IFT122: variants seen among roughly 807,000 people sequenced by gnomAD.
The protein encoded by IFT122 is intraflagellar transport protein 122 homolog.
In IFT122, 118 loss-of-function variants were observed where a neutral mutation model predicts 161.6. The ratio of observed to expected loss-of-function variants is 0.73; its 90% confidence interval spans 0.63 to 0.85. IFT122 has a LOEUF of 0.85. IFT122 is among the 40% of genes least tolerant of loss of function. The pLI, the probability that IFT122 is intolerant of heterozygous loss-of-function variation, is 0.00. For missense variants in IFT122, 1,381 were observed against 1,579.6 expected, an observed-to-expected ratio of 0.87 and a Z score of 2.13; for synonymous variants, 550 against 602.4, an observed-to-expected ratio of 0.91 and a Z score of 1.27.
chr3:129,473,246 A>C (rs77393836), intron 9 of IFT122, among the ~76,000 whole-genome samples: 1,644 of 152,242 alleles, frequency 0.011, 35 homozygotes, highest in African/African-American at 0.037. Context: ...GCTGCAGTGA[A>C]CTCTTACCAC....
At chr3:129,510,435 T>G (rs145855324) in intron 23 of IFT122, among the ~76,000 whole-genome samples, 1 of 152,310 alleles carries the variant, frequency 6.6e-6, no homozygotes, top group African/African-American at 2.4e-5. Context: ...CATCTTCCCT[T>G]ACAGTCTTTG....
chr3:129,507,645 C>T (rs2082322047), intron 22 of IFT122, 23 bp from the exon 23 acceptor site: 1 of 1,603,704 alleles, frequency 6.2e-7, no homozygotes, highest in African/African-American at 1.3e-5. Context: ...CACGTTTCCC[C>T]TCCCACCCGC....
At position 129,519,726 on chromosome 3, in the gene IFT122, C is replaced by T. The variant is rs1365752928; in HGVS notation, c.3630C>T (p.Cys1210=). The part of the protein sequence containing the change: ...PDASITMCPS[C]FQMFHSEDYE... ...CCTCCATTACCATGTGCCCCTCCTG[C>T]TTCCAGGTAGGTGGCCACCCTGGTA... The change falls in exon 29 of 30, where the codon TGC becomes TGT. Residue 1210 remains cysteine, a synonymous_variant. Coordinates refer to ENST00000348417, the MANE Select transcript of IFT122 (RefSeq NM_052989.3). 1.2e-6 allele frequency: 2 copies of T among 1,613,652 alleles called. No individual in the cohort carries two copies.
At chr3:129,498,381 C>T (rs961549562) in intron 18 of IFT122, among the ~76,000 whole-genome samples, 1 of 152,228 alleles carries the variant, frequency 6.6e-6, no homozygotes, top group Non-Finnish European at 1.5e-5. Flanking sequence ...GGGTTTCCAG[C>T]TTCGTGCTGG....
At chr3:129,491,245 T>A (rs2080047167) in intron 16 of IFT122, among the ~76,000 whole-genome samples, 1 of 152,220 alleles carries the variant, frequency 6.6e-6, no homozygotes, top group African/African-American at 2.4e-5. Flanking sequence ...GAGCAGAGGC[T>A]GCAAGTGGTC....
intron 9 of IFT122, among the ~76,000 whole-genome samples, chr3:129,471,688 A>G (rs2077388246): frequency 6.6e-6 from 1 of 152,236 alleles, no homozygotes; most frequent in South Asian, 2.1e-4. Flanking sequence ...TGTTTGGGAC[A>G]GTAAAATTGT....
At chr3:129,481,839 G>T in intron 14 of IFT122, 145 bp downstream of exon 14, 1 of 831,312 alleles carries the variant, frequency 1.2e-6, no homozygotes, top group South Asian at 1.5e-5. Flanking sequence ...CAGAGTCCCA[G>T]AGGCCCTGGG....
intron 20 of IFT122, among the ~76,000 whole-genome samples, chr3:129,503,516 C>T (rs1475259935): frequency 6.6e-6 from 1 of 152,116 alleles, no homozygotes; most frequent in African/African-American, 2.4e-5. Context: ...GCTCCCTGTT[C>T]CCTGCAGAGA....
intron 2 of IFT122, 47 bp from the exon 3 acceptor site, chr3:129,451,867 G>T: frequency 1.4e-6 from 2 of 1,473,174 alleles, no homozygotes; most frequent in South Asian, 2.3e-5. Context: ...CAGGAATTCT[G>T]ACTAATAGAT....
chr3:129,514,103 C>T (rs1432329432), intron 24 of IFT122: 1 of 479,206 alleles, frequency 2.1e-6, no homozygotes, highest in Non-Finnish European at 3.9e-6. Context: ...CCATTTTGGC[C>T]TAGTCAGGGT....
chr3:129,516,088 G>C (rs1261982297), intron 26 of IFT122, among the ~76,000 whole-genome samples: 3 of 135,002 alleles, frequency 2.2e-5, no homozygotes, highest in Non-Finnish European at 4.6e-5. Context: ...CACACACACA[G>C]ACTGCTCCTG....
intron 25 of IFT122, 94 bp downstream of exon 25, chr3:129,514,648 A>G (rs1448183233): frequency 1.4e-6 from 2 of 1,416,330 alleles, no homozygotes; most frequent in African/African-American, 2.8e-5. Flanking sequence ...TTGAAGAGAG[A>G]CAGCTGCAGC....
chr3:129,469,194 C>A (rs886766532), intron 8 of IFT122, 148 bp from the exon 9 acceptor site: 1 of 699,090 alleles, frequency 1.4e-6, no homozygotes, highest in African/African-American at 1.7e-5. Context: ...TGGGTTGGGC[C>A]AAATTATAAC....
chr3:129,506,461 C>A lies in IFT122; in HGVS notation c.2703C>A (p.Leu901=), dbSNP rs769595673. The A allele has an allele frequency of 1.9e-6, 3 of 1,614,220 alleles. No homozygotes were observed. Among genetic ancestry groups the A allele is most frequent in the Admixed American group, 3.3e-5 (2 of 60,030 alleles). The change falls in exon 22 of 30, where the codon CTC becomes CTA. Residue 901 remains leucine (L), a synonymous_variant. Transcript: ENST00000348417. The part of the protein sequence containing the change: ...QREAVQVLEQ[L]TNNAVAESRF... ...AAGCGGTCCAGGTGCTGGAGCAGCT[C>A]ACAAACAATGCCGTGGCGGAGAGCA...
intron 14 of IFT122, among the ~76,000 whole-genome samples, chr3:129,482,323 C>T (rs772711174): frequency 3.3e-5 from 5 of 152,204 alleles, no homozygotes; most frequent in East Asian, 3.9e-4. Context: ...CTCTGTGCCC[C>T]GGGCCTGGTT....
chr3:129,476,445 C>T lies in IFT122; in HGVS notation c.947C>T (p.Thr316Ile), dbSNP rs748723964. Residue 316 changes from threonine to isoleucine, a missense_variant, in exon 10 of 30, where the codon ACT (threonine) becomes ATT (isoleucine). By Grantham distance (89) the Thr-to-Ile change is moderately conservative (BLOSUM62 -1). Coordinates refer to ENST00000348417, the MANE Select transcript of IFT122 (RefSeq NM_052989.3). ...LFTKDGVRLG[T>I]VGEQNSWVWT... is the part of the protein sequence containing the mutation. ...ACCAAGGATGGAGTGCGGCTTGGGA[C>T]TGTTGGGGAGCAGAACTCCTGGGTG... 3 of 1,614,086 alleles carry T rather than the reference C, an allele frequency of 1.9e-6. No individual in the cohort carries two copies. The South Asian group carries it at 3.3e-5, about 18-fold the overall frequency.
rs1396022218 is a variant in IFT122, at chr3:129,483,531, T to C, written c.1700T>C (p.Met567Thr). ...SVAWNTQCED[M>T]LCFSGGGYLN... ...GCTTGGAACACCCAGTGTGAGGACATGCTCTGCTTCTCGGGAGGAGGCTAC... is the reference window on the plus strand; with the variant it reads ...GCTTGGAACACCCAGTGTGAGGACACGCTCTGCTTCTCGGGAGGAGGCTAC... The change falls in exon 15 of 30, where the codon ATG (methionine) becomes ACG (threonine). Residue 567 changes from methionine (M) to threonine (T), a missense_variant. Met to Thr is a moderately conservative substitution (Grantham distance 81, BLOSUM62 -1). Around this residue, in one of 7 missense-constraint regions of IFT122, gnomAD observed 544 missense variants for 648.0 expected, o/e 0.84. Transcript: ENST00000348417. 1.2e-6 allele frequency: 2 copies of C among 1,614,070 alleles called. No individual in the cohort carries two copies. Among genetic ancestry groups the C allele is most frequent in the Admixed American group, 1.7e-5 (1 of 59,998 alleles).
chr3:129,482,322 C>T (rs1577678964), intron 14 of IFT122, among the ~76,000 whole-genome samples: 1 of 152,208 alleles, frequency 6.6e-6, no homozygotes, highest in African/African-American at 2.4e-5. Context: ...GCTCTGTGCC[C>T]CGGGCCTGGT....
rs149351049 is a variant in IFT122, at chr3:129,517,917, T to C, written c.3391+323T>C. ...CCTGCATAGCCAACATGGGACATGA[T>C]GTCATGATGTCGGTGTTGGCCCCCA... On this transcript the variant is annotated intron_variant, in intron 27 of 29. Transcript: ENST00000348417. Among the ~76,000 whole-genome samples, 562 of 152,336 alleles carry C rather than the reference T, an allele frequency of 3.7e-3. 4 individuals carry two copies. The highest frequency in any genetic ancestry group is 0.013 in the African/African-American group (521 of 41,580).
Sources: allele counts gnomAD v4.1 joint callset (sites outside exome capture counted in the v4.1 genomes callset), GRCh38; gene constraint gnomAD v4.1.1; regional missense constraint gnomAD v4.1.1; transcripts MANE v1.5; gene names NCBI Gene and HGNC (gene_info 2026-07-23, HGNC 2026-07-21).